Variants in COL21A1 observed in about 807,000 individuals in gnomAD.
COL21A1 encodes the protein collagen type XXI alpha 1 chain.
A neutral mutation model predicts 137.9 loss-of-function variants in COL21A1; 149 were observed. The ratio of observed to expected loss-of-function variants is 1.08; its 90% CI spans 0.95 to 1.24. COL21A1 has a LOEUF of 1.24. COL21A1 is among the 50% of genes most tolerant of loss of function. The pLI, the probability that COL21A1 is intolerant of heterozygous loss-of-function variation, is 0.00. For missense variants in COL21A1, 1,167 were observed against 1,158.4 expected (o/e 1.01, Z -0.11); for synonymous variants, 456 against 391.5 (o/e 1.16, Z -1.95).
chr6:56,305,874 GGTT>G (rs2152338408), intron 1 of COL21A1, among the ~76,000 whole-genome samples: 1 of 151,808 alleles, frequency 6.6e-6, no homozygotes, highest in South Asian at 2.1e-4. Flanking sequence ...GGCTGGTACT[GGTT>G]GTTCCTTCCC....
chr6:56,095,371 C>A (rs12205653), intron 17 of COL21A1, among the ~76,000 whole-genome samples: 1 of 151,964 alleles, frequency 6.6e-6, no homozygotes, highest in African/African-American at 2.4e-5. Flanking sequence ...CCTGCTAGTA[C>A]CTGTTTAGTT....
chr6:56,266,305 G>A (rs369825083), intron 1 of COL21A1, among the ~76,000 whole-genome samples: 1 of 152,168 alleles, frequency 6.6e-6, no homozygotes, highest in Non-Finnish European at 1.5e-5. Flanking sequence ...CAAGGAGCTG[G>A]CAAACTACAG....
chr6:56,267,836 A>G (rs1263459154), intron 1 of COL21A1, among the ~76,000 whole-genome samples: 1 of 152,030 alleles, frequency 6.6e-6, no homozygotes, highest in African/African-American at 2.4e-5. Flanking sequence ...GGGAGGGGAT[A>G]AGATGACCAA....
intron 1 of COL21A1, among the ~76,000 whole-genome samples, chr6:56,222,551 A>C (rs1185329088): frequency 6.6e-6 from 1 of 152,182 alleles, no homozygotes; most frequent in Non-Finnish European, 1.5e-5. Flanking sequence ...ATTAAATTTA[A>C]GACATGTAAT....
intron 1 of COL21A1, among the ~76,000 whole-genome samples, chr6:56,300,023 A>G (rs1312597683): frequency 6.6e-6 from 1 of 152,132 alleles, no homozygotes; most frequent in Non-Finnish European, 1.5e-5. Flanking sequence ...AAGGCTAGCC[A>G]GCTTAGTGTT....
At chr6:56,384,889 A>T (rs1581797419) in intron 1 of COL21A1, among the ~76,000 whole-genome samples, 1 of 152,202 alleles carries the variant, frequency 6.6e-6, no homozygotes, top group Non-Finnish European at 1.5e-5. Flanking sequence ...GGCTTCAAGG[A>T]TATATGTTGA....
In COL21A1 at chr6:56,319,092, C is replaced by G. The variant is rs1764809943; in HGVS notation, c.-39+74879G>C. 3.9e-5 allele frequency among the ~76,000 whole-genome samples: 6 copies of G among 152,154 alleles called. 1 individual carries two copies. The highest frequency in any genetic ancestry group is 1.5e-5 in the Non-Finnish European group (1 of 68,040). On this transcript the variant is annotated intron_variant, in intron 1 of 28. Coordinates refer to the COL21A1 transcript ENST00000370819. ...GCAGCACTTGACACAGTTGATCGCA[C>G]CCTTCTCTCAACACTTTCTTCAGTT...
chr6:56,364,878 G>A (rs13218268), intron 1 of COL21A1, among the ~76,000 whole-genome samples: 1 of 151,928 alleles, frequency 6.6e-6, no homozygotes, highest in Non-Finnish European at 1.5e-5. Flanking sequence ...ATACAAGAAG[G>A]ATTATATGAG....
intron 1 of COL21A1, among the ~76,000 whole-genome samples, chr6:56,347,838 G>A (rs539417674): frequency 3.3e-5 from 5 of 152,232 alleles, no homozygotes; most frequent in African/African-American, 1.2e-4. Context: ...CTCTGGAGTA[G>A]GAGTATCTAT....
At chr6:56,097,626 C>A (rs994487441) in intron 17 of COL21A1, among the ~76,000 whole-genome samples, 2 of 150,130 alleles carry the variant, frequency 1.3e-5, no homozygotes, top group African/African-American at 4.9e-5. Flanking sequence ...AGGAATAAGT[C>A]TTGAATAAAG....
intron 1 of COL21A1, among the ~76,000 whole-genome samples, chr6:56,337,724 T>C (rs1204592723): frequency 6.6e-6 from 1 of 152,206 alleles, no homozygotes; most frequent in East Asian, 1.9e-4. Context: ...TGAAAAGCTT[T>C]CCTTTCTCTT....
chr6:56,095,860 C>A (rs1046098198), intron 17 of COL21A1, among the ~76,000 whole-genome samples: 1 of 151,866 alleles, frequency 6.6e-6, no homozygotes, highest in East Asian at 1.9e-4. Flanking sequence ...GTTTTTGTTT[C>A]TTTTGAGACA....
At chr6:56,380,156 C>T (rs1409614616) in intron 1 of COL21A1, among the ~76,000 whole-genome samples, 1 of 152,044 alleles carries the variant, frequency 6.6e-6, no homozygotes, top group Non-Finnish European at 1.5e-5. Context: ...GTTTACAAGA[C>T]CCTAGCACCT....
chr6:56,280,558 C>T (rs1763765761), intron 1 of COL21A1, among the ~76,000 whole-genome samples: 1 of 152,114 alleles, frequency 6.6e-6, no homozygotes, highest in African/African-American at 2.4e-5. Context: ...CAGAAAAGCC[C>T]AATCAAGGAC....
At chr6:56,383,715 C>A (rs975667020) in intron 1 of COL21A1, among the ~76,000 whole-genome samples, 14 of 152,166 alleles carry the variant, frequency 9.2e-5, no homozygotes, top group African/African-American at 2.7e-4. Flanking sequence ...TGGTTCAATG[C>A]ATTAGGAATT....
chr6:56,218,872 A>T (rs1286399273), intron 1 of COL21A1, among the ~76,000 whole-genome samples: 1 of 152,100 alleles, frequency 6.6e-6, no homozygotes, highest in Non-Finnish European at 1.5e-5. Flanking sequence ...TCAGAAGTTG[A>T]CAATGACCAG....
At chr6:56,171,610 A>T (rs953872752) in intron 3 of COL21A1, among the ~76,000 whole-genome samples, 1 of 151,980 alleles carries the variant, frequency 6.6e-6, no homozygotes, top group Admixed American at 6.6e-5. Context: ...AGGGGTAAAA[A>T]GTATTTTCTG....
intron 1 of COL21A1, among the ~76,000 whole-genome samples, chr6:56,196,956 G>T (rs1005764853): frequency 2.0e-5 from 3 of 151,910 alleles, no homozygotes; most frequent in Non-Finnish European, 4.4e-5. Context: ...AAAGCTGGAG[G>T]CATCACACTT....
intron 1 of COL21A1, among the ~76,000 whole-genome samples, chr6:56,356,063 T>C (rs1765821191): frequency 6.6e-6 from 1 of 152,192 alleles, no homozygotes; most frequent in Non-Finnish European, 1.5e-5. Context: ...CTAAGCTAGT[T>C]CTAATTAAAT....
Sources: gnomAD v4.1 joint callset for allele counts (sites outside exome capture counted in the v4.1 genomes callset) on GRCh38, gnomAD v4.1.1 for gene constraint, MANE v1.5 for transcripts, NCBI Gene and HGNC (gene_info 2026-07-23, HGNC 2026-07-21) for gene names.